PTPRU: variants seen among roughly 807,000 people sequenced by gnomAD.
PTPRU encodes receptor-type tyrosine-protein phosphatase U.
PTPRU carries 69 observed loss-of-function variants against 166.3 expected under a neutral mutation model. That is an observed-to-expected ratio of 0.41 (90% CI 0.34 to 0.51). PTPRU has a LOEUF of 0.51. Among genes scored for constraint, PTPRU ranks in the 20% least tolerant of loss-of-function variants. PTPRU has a pLI of 0.09. For synonymous variants in PTPRU, 793 were observed against 814.0 expected (o/e 0.97, Z 0.44); for missense variants, 1,657 against 2,013.7 (o/e 0.82, Z 3.39).
rs557033794 is a variant in PTPRU at position 29,259,893 on chromosome 1, G to C, written c.699G>C (p.Pro233=). 2.7e-5 allele frequency: 41 copies of C among 1,531,652 alleles called. No individual in the cohort carries two copies. The African/African-American group carries it at 5.3e-4, about 20-fold the overall frequency. The allele number at this position is 1,531,652 out of a possible 1,614,324, so 94.9% of individuals were successfully genotyped here. Residue 233 remains proline (P), a synonymous_variant, in exon 6 of 30, where the codon CCG becomes CCC. Transcript: ENST00000373779. ...LLQRQSGALV[P]AAGVRHISHR... is the part of the protein sequence containing the mutation. Reference sequence around the variant, plus strand: ...AGCGGCAGAGCGGGGCGCTGGTGCCGGCGGCGGGCGTGCGGCACATCAGCC... The same window carrying C: ...AGCGGCAGAGCGGGGCGCTGGTGCCCGCGGCGGGCGTGCGGCACATCAGCC...
intron 8 of PTPRU, among the ~76,000 whole-genome samples, chr1:29,278,373 G>C (rs1214986134): frequency 6.6e-6 from 1 of 152,146 alleles, no homozygotes; most frequent in Admixed American, 6.5e-5. Context: ...CCCAAGCAAA[G>C]ATCATTCTCT....
Position 29,237,865 on chromosome 1 carries a change from GCCCCGGGCGGCCGGGCGGGGGCTGT to G in PTPRU, c.73+1157_73+1181del, listed in dbSNP as rs1487549016. 1.4e-5 allele frequency among the ~76,000 whole-genome samples: 2 copies of G among 146,176 alleles called. No individual in the cohort carries two copies. Among genetic ancestry groups the G allele is most frequent in the Non-Finnish European group, 1.5e-5 (1 of 65,772 alleles). Reference sequence around the variant, plus strand: ...CCTGCGGTGGCCGGGCCGCGGCTGCGCCCCGGGCGGCCGGGCGGGGGCTGTCCCCGGGCTGGGCTGCGACGTCCGG... The same window carrying G: ...CCTGCGGTGGCCGGGCCGCGGCTGCGCCCCGGGCTGGGCTGCGACGTCCGG... On this transcript the variant is annotated intron_variant, in intron 1 of 29. Transcript: ENST00000373779. The surrounding 1 kb of genome is among the most constrained non-coding windows in gnomAD (Gnocchi z 6.4).
At chr1:29,248,819 T>C (rs1684410839) in intron 1 of PTPRU, among the ~76,000 whole-genome samples, 1 of 152,124 alleles carries the variant, frequency 6.6e-6, no homozygotes, top group Non-Finnish European at 1.5e-5. Context: ...GTACCTTTGC[T>C]TGTAAATGCA....
chr1:29,296,401 C>T (rs1686881260), intron 15 of PTPRU, among the ~76,000 whole-genome samples: 1 of 151,734 alleles, frequency 6.6e-6, no homozygotes. Context: ...CCCCTTTTGT[C>T]TGCTAATGGG....
At chr1:29,300,488 C>T (rs1228526193) in intron 15 of PTPRU, among the ~76,000 whole-genome samples, 1 of 152,172 alleles carries the variant, frequency 6.6e-6, no homozygotes, top group Non-Finnish European at 1.5e-5. Flanking sequence ...TTTAATGGGA[C>T]ACCACTTAAT....
chr1:29,279,889 G>A lies in PTPRU; in HGVS notation c.1766-150G>A, dbSNP rs759750595. The A allele has an allele frequency of 1.7e-5, 16 of 958,644 alleles. No homozygotes were observed. Among genetic ancestry groups the A allele is most frequent in the African/African-American group, 8.3e-5 (5 of 60,542 alleles). 59.4% of individuals were successfully genotyped at this position (958,644 alleles called of 1,614,324 possible). Reference sequence around the variant, plus strand: ...GGTTGGGGCTGGTGCCTGAGGTCAGGGGCCAGGGTAGCTCAGGTCATGTCA... The same window carrying A: ...GGTTGGGGCTGGTGCCTGAGGTCAGAGGCCAGGGTAGCTCAGGTCATGTCA... On this transcript the variant is annotated intron_variant, in intron 10 of 29. Transcript: ENST00000373779. The surrounding 1 kb of genome is among the most constrained non-coding windows in gnomAD (Gnocchi z 5.2).
intron 18 of PTPRU, chr1:29,307,032 C>T: frequency 1.4e-6 from 2 of 1,387,420 alleles, no homozygotes; most frequent in Non-Finnish European, 2.0e-6. Flanking sequence ...TCACATCGCC[C>T]ATTCTGGCCA....
At chr1:29,288,124 C>G (rs1329915421) in intron 14 of PTPRU, among the ~76,000 whole-genome samples, 1 of 152,176 alleles carries the variant, frequency 6.6e-6, no homozygotes, top group Non-Finnish European at 1.5e-5. Context: ...CAGGCTTAAC[C>G]TCACTTTTTA....
At position 29,279,792 on chromosome 1, in the gene PTPRU, G is replaced by C; in HGVS notation, c.1765+135G>C. On this transcript the variant is annotated intron_variant, in intron 10 of 29. Transcript: ENST00000373779. The surrounding 1 kb of genome is among the most constrained non-coding windows in gnomAD (Gnocchi z 5.2). Reference sequence around the variant, plus strand: ...CTGCTGAGATAAATATGCCATTTAGGAGTTAAAGTCAGGCTCAGGGAGGAT... The same window carrying C: ...CTGCTGAGATAAATATGCCATTTAGCAGTTAAAGTCAGGCTCAGGGAGGAT... 1 of 1,139,806 alleles carries C rather than the reference G, an allele frequency of 8.8e-7. No individual in the cohort carries two copies. The highest frequency in any genetic ancestry group is 1.5e-5 in the African/African-American group (1 of 64,956). The allele number at this position is 1,139,806 out of a possible 1,614,324, so 70.6% of individuals were successfully genotyped here.
intron 14 of PTPRU, among the ~76,000 whole-genome samples, chr1:29,287,415 GAA>G (rs1398455997): frequency 6.6e-6 from 1 of 152,052 alleles, no homozygotes; most frequent in Non-Finnish European, 1.5e-5. Context: ...AGAGCTCCAT[GAA>G]GGGCAGAGAA....
intron 14 of PTPRU, among the ~76,000 whole-genome samples, chr1:29,290,467 TTC>T (rs1329096492): frequency 6.6e-6 from 1 of 152,214 alleles, no homozygotes; most frequent in Non-Finnish European, 1.5e-5. Context: ...CTACTCTGTC[TTC>T]TCTCTCTGTC....
intron 7 of PTPRU, among the ~76,000 whole-genome samples, chr1:29,275,047 CAA>C (rs1423464895): frequency 1.2e-3 from 76 of 64,408 alleles, no homozygotes; most frequent in Middle Eastern, 0.011. Context: ...GAGCCTCTGT[CAA>C]AAAAAAAAAA....
chr1:29,300,353 G>T (rs1574690336), intron 15 of PTPRU, among the ~76,000 whole-genome samples: 1 of 152,182 alleles, frequency 6.6e-6, no homozygotes, highest in Admixed American at 6.5e-5. Context: ...GATTTAAAAT[G>T]CAAACAAACA....
chr1:29,260,064 G>A lies in PTPRU; in HGVS notation c.850+20G>A. The A allele has an allele frequency of 2.1e-6, 3 of 1,396,730 alleles. No homozygotes were observed. Among genetic ancestry groups the A allele is most frequent in the Non-Finnish European group, 2.8e-6 (3 of 1,080,374 alleles). 86.5% of individuals were successfully genotyped at this position (1,396,730 alleles called of 1,614,324 possible). A position where few individuals can be genotyped will look rare whatever the true frequency, so the allele number is the denominator to read the frequency against. On this transcript the variant is annotated intron_variant, in intron 6 of 29. Coordinates refer to ENST00000373779, the MANE Select transcript of PTPRU (RefSeq NM_133178.4). The surrounding 1 kb of genome is among the most constrained non-coding windows in gnomAD (Gnocchi z 8.3). ...TCAAGGGTCAGCTGGTGGACGCCGGGGAGCGCCGGGACCTCACCCTCGAGG... is the reference window on the plus strand; with the variant it reads ...TCAAGGGTCAGCTGGTGGACGCCGGAGAGCGCCGGGACCTCACCCTCGAGG...
chr1:29,325,335 C>T lies in PTPRU; in HGVS notation c.4248+9C>T. On this transcript the variant is annotated intron_variant, in intron 29 of 29. Transcript: ENST00000373779. Reference sequence around the variant, plus strand: ...ACATGGTGGAGACCATGGTGAGGGGCTGTGTCCCGTGCCCAGCCACTTCCA... The same window carrying T: ...ACATGGTGGAGACCATGGTGAGGGGTTGTGTCCCGTGCCCAGCCACTTCCA... 1 of 1,614,016 alleles carries T rather than the reference C, an allele frequency of 6.2e-7. No homozygotes were observed. Among genetic ancestry groups the T allele is most frequent in the Non-Finnish European group, 8.5e-7 (1 of 1,179,824 alleles).
chr1:29,304,675 C>T (rs1457985064), intron 16 of PTPRU, 99 bp from the exon 17 acceptor site: 3 of 868,288 alleles, frequency 3.5e-6, no homozygotes, highest in Non-Finnish European at 5.2e-6. Context: ...TGGCCCTTAT[C>T]ATCCCACCCC....
intron 7 of PTPRU, among the ~76,000 whole-genome samples, chr1:29,272,130 C>T (rs1165093863): frequency 6.6e-6 from 1 of 152,184 alleles, no homozygotes; most frequent in African/African-American, 2.4e-5. Flanking sequence ...AGATCTGCCT[C>T]CTCTGGCGCA....
At chr1:29,247,930 A>G (rs1282458687) in intron 1 of PTPRU, among the ~76,000 whole-genome samples, 2 of 152,202 alleles carry the variant, frequency 1.3e-5, no homozygotes, top group East Asian at 1.9e-4. Flanking sequence ...GGTTGCAGCT[A>G]TGGTGACTCC....
intron 17 of PTPRU, among the ~76,000 whole-genome samples, chr1:29,305,149 C>T (rs1687327438): frequency 6.6e-6 from 1 of 152,312 alleles, no homozygotes; most frequent in Non-Finnish European, 1.5e-5. Flanking sequence ...CACTCTTAGG[C>T]CTCCTTGACT....
Sources: allele counts gnomAD v4.1 joint callset (sites outside exome capture counted in the v4.1 genomes callset), GRCh38; gene constraint gnomAD v4.1.1; non-coding constraint Gnocchi (gnomAD v3.1); transcripts MANE v1.5; gene names NCBI Gene and HGNC (gene_info 2026-07-23, HGNC 2026-07-21).